LRP1B: variants seen among roughly 807,000 people sequenced by gnomAD.
LRP1B encodes the protein LDL receptor related protein 1B, also known as low-density lipoprotein receptor-related protein 1B.
Under a neutral mutation model 556.6 loss-of-function variants are expected in LRP1B, and 217 were observed. The observed-to-expected ratio is 0.39, with a 90% CI of 0.35 to 0.44. LRP1B has a LOEUF of 0.44. Ranked by LOEUF, LRP1B falls within the 20% of genes least tolerant of loss-of-function variation. The pLI is 1.00. For missense variants in LRP1B, 5,053 were observed against 5,620.8 expected (o/e 0.90, Z 3.23); for synonymous variants, 2,047 against 1,865.8 (o/e 1.10, Z -2.50).
intron 1 of LRP1B, among the ~76,000 whole-genome samples, chr2:141,908,109 G>A (rs1699807448): frequency 6.6e-6 from 1 of 151,846 alleles, no homozygotes; most frequent in Admixed American, 6.6e-5. Context: ...CACGTAAAGG[G>A]GAAAATAAAG....
intron 2 of LRP1B, among the ~76,000 whole-genome samples, chr2:141,797,664 C>T (rs1695868157): frequency 6.6e-6 from 1 of 152,136 alleles, no homozygotes; most frequent in Non-Finnish European, 1.5e-5. Context: ...TCTTGAACTA[C>T]TTAGCTATAA....
At position 141,058,869 on chromosome 2, in the gene LRP1B, G is replaced by A. The variant is rs566159709; in HGVS notation, c.1408+14C>T. On this transcript the variant is annotated intron_variant, in intron 9 of 90. Coordinates refer to ENST00000389484, the MANE Select transcript of LRP1B (RefSeq NM_018557.3). Reference sequence around the variant, plus strand: ...CTACCATTAGGAAGGTAATAAAGAAGCTTTCCCACTTACCTGTTGGTTGAG... The same window carrying A: ...CTACCATTAGGAAGGTAATAAAGAAACTTTCCCACTTACCTGTTGGTTGAG... The A allele has an allele frequency of 2.9e-5, 46 of 1,570,322 alleles. No homozygotes were observed. The South Asian group carries it at 5.1e-4, about 17-fold the overall frequency.
intron 72 of LRP1B, 141 bp downstream of exon 72, chr2:140,364,520 A>T (rs1485459123): frequency 1.1e-6 from 1 of 949,906 alleles, no homozygotes; most frequent in African/African-American, 1.7e-5. Flanking sequence ...ACCTGAACAA[A>T]AGCTGTATCT....
At chr2:141,704,008 T>G (rs188009600) in intron 2 of LRP1B, among the ~76,000 whole-genome samples, 2 of 152,062 alleles carry the variant, frequency 1.3e-5, no homozygotes, top group Non-Finnish European at 2.9e-5. Flanking sequence ...CTCCCAGGTC[T>G]CCAGTGATTC....
intron 66 of LRP1B, among the ~76,000 whole-genome samples, chr2:140,391,253 G>A (rs537389485): frequency 1.3e-5 from 2 of 152,018 alleles, no homozygotes; most frequent in South Asian, 4.2e-4. Context: ...AACAATATTT[G>A]ACAGCATTAT....
At chr2:142,024,437 T>TA (rs2105182766) in intron 1 of LRP1B, among the ~76,000 whole-genome samples, 1 of 152,272 alleles carries the variant, frequency 6.6e-6, no homozygotes, top group Non-Finnish European at 1.5e-5. Flanking sequence ...GTGAGTTCCC[T>TA]AAAAAATGAT....
intron 2 of LRP1B, among the ~76,000 whole-genome samples, chr2:141,765,312 T>C (rs1694700190): frequency 6.6e-6 from 1 of 152,222 alleles, no homozygotes; most frequent in African/African-American, 2.4e-5. Flanking sequence ...ATTATAATCT[T>C]CTGAATATTT....
intron 7 of LRP1B, among the ~76,000 whole-genome samples, chr2:141,138,634 T>C (rs1356077774): frequency 6.6e-6 from 1 of 151,866 alleles, no homozygotes; most frequent in Non-Finnish European, 1.5e-5. Context: ...TAAAGTACCA[T>C]TGAACATAGC....
chr2:141,089,133 C>A (rs1700115624), intron 7 of LRP1B, among the ~76,000 whole-genome samples: 1 of 152,162 alleles, frequency 6.6e-6, no homozygotes, highest in South Asian at 2.1e-4. Flanking sequence ...CATGTGTAGC[C>A]TCAAATCCAT....
chr2:140,955,456 A>G (rs1425130257), intron 18 of LRP1B, among the ~76,000 whole-genome samples: 3 of 151,844 alleles, frequency 2.0e-5, no homozygotes, highest in Non-Finnish European at 3.0e-5. Flanking sequence ...ATTGCAGGAC[A>G]CTTGCAAGAA....
chr2:141,074,029 T>A (rs1191773852), intron 7 of LRP1B, among the ~76,000 whole-genome samples: 1 of 152,102 alleles, frequency 6.6e-6, no homozygotes, highest in African/African-American at 2.4e-5. Context: ...CTGAGAGAAA[T>A]AGGAATCAAA....
At chr2:141,384,860 A>G (rs1689771178) in intron 3 of LRP1B, among the ~76,000 whole-genome samples, 1 of 152,130 alleles carries the variant, frequency 6.6e-6, no homozygotes, top group South Asian at 2.1e-4. Context: ...GTTCTCCTTC[A>G]CTGATTAATC....
chr2:141,519,381 A>G lies in LRP1B; in HGVS notation c.206-38848T>C, dbSNP rs1393505130. 2.2e-4 allele frequency among the ~76,000 whole-genome samples: 11 copies of G among 50,026 alleles called. No individual in the cohort carries two copies. The East Asian group carries it at 5.9e-3, about 27-fold the overall frequency. The allele number at this position is 50,026 out of a possible 152,430, so 32.8% of individuals were successfully genotyped here. A position where few individuals can be genotyped will look rare whatever the true frequency, so the allele number is the denominator to read the frequency against. ...CAATGATATATATATATATATATATATATATATATATATATATATATGAAA... is the reference window on the plus strand; with the variant it reads ...CAATGATATATATATATATATATATGTATATATATATATATATATATGAAA... On this transcript the variant is annotated intron_variant, in intron 2 of 90. Coordinates refer to ENST00000389484, the MANE Select transcript of LRP1B (RefSeq NM_018557.3).
At chr2:140,854,333 A>G (rs995920418) in intron 27 of LRP1B, among the ~76,000 whole-genome samples, 2 of 152,120 alleles carry the variant, frequency 1.3e-5, no homozygotes, top group Non-Finnish European at 2.9e-5. Context: ...TTAAGTTTCT[A>G]TGTACATACT....
At chr2:141,743,633 A>G (rs1388644420) in intron 2 of LRP1B, among the ~76,000 whole-genome samples, 2 of 151,506 alleles carry the variant, frequency 1.3e-5, no homozygotes, top group Admixed American at 6.6e-5. Flanking sequence ...TGTGGGTTTA[A>G]TGTTATTACT....
chr2:140,537,472 G>C (rs1367826688), intron 45 of LRP1B, among the ~76,000 whole-genome samples: 1 of 151,922 alleles, frequency 6.6e-6, no homozygotes, highest in Non-Finnish European at 1.5e-5. Context: ...TCAGTAGCAA[G>C]TTATATTGTT....
chr2:142,103,704 G>T, intron 1 of LRP1B, among the ~76,000 whole-genome samples: 1 of 151,590 alleles, frequency 6.6e-6, no homozygotes, highest in African/African-American at 2.4e-5. Context: ...TGTAAAAGAT[G>T]ACCCAATGAT....
intron 7 of LRP1B, among the ~76,000 whole-genome samples, chr2:141,115,536 A>T (rs558293328): frequency 7.4e-6 from 1 of 135,564 alleles, no homozygotes; most frequent in East Asian, 2.1e-4. Context: ...GGCTCATTGC[A>T]AGCTCCGCCT....
intron 25 of LRP1B, among the ~76,000 whole-genome samples, chr2:140,868,680 G>C (rs1272223811): frequency 6.6e-6 from 1 of 152,078 alleles, no homozygotes. Flanking sequence ...ACAGAAATAA[G>C]GCCAATGTAT....
Sources: gnomAD v4.1 joint callset for allele counts (sites outside exome capture counted in the v4.1 genomes callset) on GRCh38, gnomAD v4.1.1 for gene constraint, MANE v1.5 for transcripts, NCBI Gene and HGNC (gene_info 2026-07-23, HGNC 2026-07-21) for gene names.